DGLUCY: variants seen among roughly 807,000 people sequenced by gnomAD.
DGLUCY encodes D-glutamate cyclase, mitochondrial.
A neutral mutation model predicts 58.5 loss-of-function variants in DGLUCY; 58 were observed. That is an observed-to-expected ratio of 0.99 (90% confidence interval 0.80 to 1.23). DGLUCY has a LOEUF of 1.23. Ranked by LOEUF, DGLUCY falls within the 50% of genes most tolerant of loss-of-function variation. The probability of loss-of-function intolerance (pLI) is 0.00; values close to 1 mark genes in which losing one functional copy is unlikely to be tolerated. For missense variants in DGLUCY, 779 were observed against 784.7 expected, an observed-to-expected ratio of 0.99 and a Z score of 0.09; for synonymous variants, 325 against 314.1, an observed-to-expected ratio of 1.03 and a Z score of -0.37.
At chr14:91,139,966 A>G (rs895672571) in intron 1 of DGLUCY, among the ~76,000 whole-genome samples, 9 of 152,082 alleles carry the variant, frequency 5.9e-5, no homozygotes, top group African/African-American at 1.9e-4. Flanking sequence ...TGCAAGAGAA[A>G]GGGAGCAGGT....
chr14:91,118,609 C>G (rs535905795), intron 1 of DGLUCY, among the ~76,000 whole-genome samples: 1 of 152,232 alleles, frequency 6.6e-6, no homozygotes, highest in Non-Finnish European at 1.5e-5. Flanking sequence ...TCTCTTTTAT[C>G]TGTCTTAAGA....
At chr14:91,062,040 C>G (rs1429971151) in intron 1 of DGLUCY, among the ~76,000 whole-genome samples, 1 of 151,976 alleles carries the variant, frequency 6.6e-6, no homozygotes, top group Non-Finnish European at 1.5e-5. Flanking sequence ...TATTAAGGGC[C>G]AGATAGTAAA....
chr14:91,145,750 C>T (rs2046982655), intron 1 of DGLUCY, among the ~76,000 whole-genome samples: 2 of 152,184 alleles, frequency 1.3e-5, no homozygotes, highest in South Asian at 4.1e-4. Context: ...TTTTTTGAAG[C>T]AGGTGCCATT....
chr14:91,189,444 A>C (rs946924526), intron 9 of DGLUCY, among the ~76,000 whole-genome samples: 3 of 152,134 alleles, frequency 2.0e-5, no homozygotes, highest in Non-Finnish European at 4.4e-5. Context: ...GTCCCTTTGC[A>C]GTGTGGGGAA....
chr14:91,202,058 AAATAATAATAAT>A (rs10523866), intron 11 of DGLUCY, among the ~76,000 whole-genome samples: 12,165 of 142,576 alleles, frequency 0.085, 641 homozygotes, highest in South Asian at 0.17. Flanking sequence ...TCTGTCTCAA[AAATAATAATAAT>A]AATAATAATA....
chr14:91,087,053 A>T (rs2044233884), intron 1 of DGLUCY, among the ~76,000 whole-genome samples: 1 of 152,204 alleles, frequency 6.6e-6, no homozygotes, highest in Non-Finnish European at 1.5e-5. Flanking sequence ...GCTGCAGTTC[A>T]TGGGACCCAC....
chr14:91,145,435 A>G (rs1284379712), intron 1 of DGLUCY: 2 of 152,182 alleles, frequency 1.3e-5, no homozygotes, highest in Admixed American at 6.5e-5. Context: ...GCTTATCCTC[A>G]GCTACATCCA....
intron 1 of DGLUCY, among the ~76,000 whole-genome samples, chr14:91,100,921 A>C (rs1469790947): frequency 6.6e-6 from 1 of 152,086 alleles, no homozygotes; most frequent in Non-Finnish European, 1.5e-5. Flanking sequence ...AAATACAAAA[A>C]TTAGCTGGGC....
chr14:91,105,089 A>G (rs543760899), upstream of DGLUCY, among the ~76,000 whole-genome samples: 144 of 152,252 alleles, frequency 9.5e-4, 1 homozygote, highest in Admixed American at 1.4e-3. Context: ...CTGAGTTGGG[A>G]GGATCACACG....
chr14:91,143,547 G>T (rs1198832445), intron 1 of DGLUCY, among the ~76,000 whole-genome samples: 1 of 152,142 alleles, frequency 6.6e-6, no homozygotes, highest in Non-Finnish European at 1.5e-5. Flanking sequence ...TTCTCCACAC[G>T]CTCTGCCTTT....
intron 12 of DGLUCY, among the ~76,000 whole-genome samples, chr14:91,205,757 TTCTTC>T (rs1567007628): frequency 9.3e-6 from 1 of 107,252 alleles, no homozygotes; most frequent in African/African-American, 5.0e-5. Flanking sequence ...GGGCATTCTC[TTCTTC>T]TTCTTCTTCT....
At chr14:91,072,861 T>C (rs1211210415) in intron 1 of DGLUCY, among the ~76,000 whole-genome samples, 1 of 151,900 alleles carries the variant, frequency 6.6e-6, no homozygotes, top group African/African-American at 2.4e-5. Flanking sequence ...TACAAAAAAT[T>C]AGCTGGGCAC....
chr14:91,073,002 T>TA (rs1469732029), intron 1 of DGLUCY, among the ~76,000 whole-genome samples: 1 of 149,960 alleles, frequency 6.7e-6, no homozygotes, highest in East Asian at 2.0e-4. Context: ...GCAAAAAAAA[T>TA]AAAAAACATA....
chr14:91,205,187 G>A (rs1169239007), intron 12 of DGLUCY, among the ~76,000 whole-genome samples: 2 of 152,196 alleles, frequency 1.3e-5, no homozygotes, highest in African/African-American at 4.8e-5. Flanking sequence ...TGATGGGAGG[G>A]CCCCTTCAGA....
chr14:91,159,018 A>G (rs2047823555), intron 2 of DGLUCY: 1 of 141,352 alleles, frequency 7.1e-6, no homozygotes, highest in East Asian at 2.1e-4. Flanking sequence ...TTTGGTAGAC[A>G]TGGGTTTTTG....
At chr14:91,083,729 A>G (rs578069997) in intron 1 of DGLUCY, among the ~76,000 whole-genome samples, 24 of 152,044 alleles carry the variant, frequency 1.6e-4, no homozygotes, top group Middle Eastern at 3.4e-3. Flanking sequence ...TTTTTTTTTA[A>G]TAATGTGTCA....
At chr14:91,166,936 T>G (rs2048316539) in intron 3 of DGLUCY, among the ~76,000 whole-genome samples, 1 of 152,134 alleles carries the variant, frequency 6.6e-6, no homozygotes, top group African/African-American at 2.4e-5. Context: ...TGGCCCAACA[T>G]GGGCCAATAA....
intron 13 of DGLUCY, among the ~76,000 whole-genome samples, chr14:91,216,645 CA>C (rs71120125): frequency 1.3e-3 from 176 of 137,442 alleles, no homozygotes; most frequent in African/African-American, 3.0e-3. Context: ...GACCCTGTCT[CA>C]AAAAAAAAAA....
chr14:91,165,263 A>G (rs145491746), intron 3 of DGLUCY: 39 of 456,278 alleles, frequency 8.5e-5, no homozygotes, highest in African/African-American at 6.2e-4. Context: ...ATTGAACAGT[A>G]ACTTTAGTCC....
Sources: allele counts gnomAD v4.1 joint callset (sites outside exome capture counted in the v4.1 genomes callset), GRCh38; gene constraint gnomAD v4.1.1; transcripts MANE v1.5; gene names NCBI Gene and HGNC (gene_info 2026-07-23, HGNC 2026-07-21).